RALYL: variants seen among roughly 807,000 people sequenced by gnomAD.
The protein encoded by RALYL is RALY RNA binding protein like.
A neutral mutation model predicts 35.1 loss-of-function variants in RALYL; 29 were observed. The ratio of observed to expected loss-of-function variants is 0.83; its 90% CI spans 0.61 to 1.13. The LOEUF is 1.13. RALYL is among the 50% of genes most tolerant of loss of function. The probability of loss-of-function intolerance (pLI) is 0.00; values close to 1 mark genes in which losing one functional copy is unlikely to be tolerated. For missense variants in RALYL, 359 were observed against 360.4 expected (o/e 1.00, Z 0.03); for synonymous variants, 120 against 127.6 (o/e 0.94, Z 0.40).
chr8:84,619,358 T>C (rs1820691857), intron 2 of RALYL, among the ~76,000 whole-genome samples: 1 of 151,194 alleles, frequency 6.6e-6, no homozygotes, highest in South Asian at 2.1e-4. Context: ...TGGCCTTCTT[T>C]GTCTCTTTTG....
chr8:84,665,031 A>G (rs1307816684), intron 2 of RALYL, among the ~76,000 whole-genome samples: 1 of 152,176 alleles, frequency 6.6e-6, no homozygotes, highest in Non-Finnish European at 1.5e-5. Context: ...AGTTTTTAAC[A>G]TGAAGGGATG....
chr8:84,275,746 A>G (rs930385736), intron 1 of RALYL, among the ~76,000 whole-genome samples: 1 of 152,110 alleles, frequency 6.6e-6, no homozygotes, highest in Non-Finnish European at 1.5e-5. Flanking sequence ...GATCAACTCT[A>G]TTAGACTCAG....
chr8:84,499,149 T>A (rs535069772), intron 1 of RALYL, among the ~76,000 whole-genome samples: 16 of 151,850 alleles, frequency 1.1e-4, no homozygotes, highest in Non-Finnish European at 2.1e-4. Context: ...GTTACATGGA[T>A]ACACTGTGTA....
chr8:84,321,976 A>G (rs1213222475), intron 1 of RALYL, among the ~76,000 whole-genome samples: 3 of 152,108 alleles, frequency 2.0e-5, no homozygotes, highest in Non-Finnish European at 4.4e-5. Context: ...GAAGACCCAA[A>G]AACCCTAAAC....
At chr8:84,728,421 G>T (rs1353975983) in intron 2 of RALYL, among the ~76,000 whole-genome samples, 3 of 151,304 alleles carry the variant, frequency 2.0e-5, no homozygotes, top group South Asian at 2.1e-4. Flanking sequence ...CCATTTTGTA[G>T]GTTGCCTGTT....
chr8:84,371,446 T>G (rs914166330), intron 1 of RALYL, among the ~76,000 whole-genome samples: 18 of 151,982 alleles, frequency 1.2e-4, no homozygotes, highest in Admixed American at 6.6e-4. Flanking sequence ...TTGAATTCCT[T>G]ATGATTGTGA....
intron 2 of RALYL, among the ~76,000 whole-genome samples, chr8:84,541,847 G>T (rs904328434): frequency 1.3e-5 from 2 of 151,936 alleles, no homozygotes; most frequent in Admixed American, 6.6e-5. Flanking sequence ...GAAAAGCTTG[G>T]TTTAATCTTA....
intron 2 of RALYL, among the ~76,000 whole-genome samples, chr8:84,573,962 A>T (rs961633237): frequency 1.3e-5 from 2 of 151,538 alleles, no homozygotes; most frequent in African/African-American, 4.8e-5. Context: ...ATTTCTTTCT[A>T]AGATCTTTTT....
chr8:84,788,308 AAAAC>A (rs1315172556), intron 3 of RALYL, among the ~76,000 whole-genome samples: 1 of 152,246 alleles, frequency 6.6e-6, no homozygotes, highest in Non-Finnish European at 1.5e-5. Context: ...AAACCTGACA[AAAAC>A]AAGCCATCGG....
chr8:84,320,447 C>CACAT (rs113156336), intron 1 of RALYL, among the ~76,000 whole-genome samples: 7,166 of 151,826 alleles, frequency 0.047, 260 homozygotes, highest in African/African-American at 0.083. Flanking sequence ...CACATACACA[C>CACAT]ACTTATGTCT....
intron 1 of RALYL, among the ~76,000 whole-genome samples, chr8:84,406,590 A>C (rs998408776): frequency 6.6e-6 from 1 of 151,948 alleles, no homozygotes; most frequent in South Asian, 2.1e-4. Flanking sequence ...TTTTCTTTTG[A>C]TATAACCATT....
At chr8:84,466,067 A>G (rs1282125327) in intron 1 of RALYL, among the ~76,000 whole-genome samples, 2 of 92,516 alleles carry the variant, frequency 2.2e-5, no homozygotes, top group Non-Finnish European at 4.5e-5. Context: ...TTTTCTAGAT[A>G]TACAATCATG....
At chr8:84,415,224 T>C (rs921004779) in intron 1 of RALYL, among the ~76,000 whole-genome samples, 2 of 149,196 alleles carry the variant, frequency 1.3e-5, no homozygotes, top group African/African-American at 4.9e-5. Flanking sequence ...TTTTTGTTTT[T>C]TTGTTTTGTT....
chr8:84,613,025 C>T (rs1818658609), intron 2 of RALYL, among the ~76,000 whole-genome samples: 1 of 151,614 alleles, frequency 6.6e-6, no homozygotes, highest in African/African-American at 2.4e-5. Context: ...GATCCAAGTT[C>T]ATGGATTGCA....
At chr8:84,862,153 C>T in intron 5 of RALYL, 143 bp from the exon 6 acceptor site, 1 of 622,258 alleles carries the variant, frequency 1.6e-6, no homozygotes. Flanking sequence ...CAATAAATAC[C>T]TGCATCTGAA....
At chr8:84,269,716 G>C (rs138676987) in intron 1 of RALYL, among the ~76,000 whole-genome samples, 1,546 of 152,030 alleles carry the variant, frequency 0.01, 37 homozygotes, top group Non-Finnish European at 9.7e-3. Flanking sequence ...GAGTGTTTGT[G>C]ATATAATACT....
intron 1 of RALYL, among the ~76,000 whole-genome samples, chr8:84,330,882 T>A (rs1429110275): frequency 6.6e-6 from 1 of 152,054 alleles, no homozygotes; most frequent in Non-Finnish European, 1.5e-5. Context: ...TTGAAGAATT[T>A]CATGAACTTC....
Position 84,615,701 on chromosome 8 carries a change from C to T in RALYL, c.256+86124C>T, listed in dbSNP as rs1404968628. On this transcript the variant is annotated intron_variant, in intron 2 of 8. Transcript: ENST00000521268. ...TGCTGGTGCGCTGCACCCACTAACT[C>T]GTCATCTAGCATTAGGTATATCTCC... is the stretch of plus-strand genomic sequence containing the variant. Among the ~76,000 whole-genome samples the T allele has an allele frequency of 2.2e-5, 3 of 135,284 alleles. No individual in the cohort carries two copies. In the Admixed American group the frequency reaches 2.3e-4, roughly 10 times the overall value. The allele number at this position is 135,284 out of a possible 152,430, so 88.8% of individuals were successfully genotyped here. A position where few individuals can be genotyped will look rare whatever the true frequency, so the allele number is the denominator to read the frequency against.
intron 2 of RALYL, among the ~76,000 whole-genome samples, chr8:84,620,347 T>C (rs1045888378): frequency 6.6e-6 from 1 of 152,166 alleles, no homozygotes; most frequent in Admixed American, 6.5e-5. Context: ...ATTCATTTCA[T>C]CTTCCATTGC....
Sources: allele counts gnomAD v4.1 joint callset (sites outside exome capture counted in the v4.1 genomes callset), GRCh38; gene constraint gnomAD v4.1.1; transcripts MANE v1.5; gene names NCBI Gene and HGNC (gene_info 2026-07-23, HGNC 2026-07-21).